SCAPER: variants seen among roughly 807,000 people sequenced by gnomAD.
SCAPER encodes S phase cyclin A-associated protein in the endoplasmic reticulum.
Under a neutral mutation model 182.2 loss-of-function variants are expected in SCAPER, and 98 were observed. The ratio of observed to expected loss-of-function variants is 0.54; its 90% CI spans 0.46 to 0.64. SCAPER has a LOEUF of 0.64. Among genes scored for constraint, SCAPER ranks in the 30% least tolerant of loss-of-function variants. SCAPER has a pLI of 0.00. For synonymous variants in SCAPER, 605 were observed against 564.6 expected (o/e 1.07, Z -1.01); for missense variants, 1,432 against 1,690.0 (o/e 0.85, Z 2.68).
At chr15:76,443,837 A>G (rs1380534148) in intron 25 of SCAPER, among the ~76,000 whole-genome samples, 1 of 152,238 alleles carries the variant, frequency 6.6e-6, no homozygotes, top group African/African-American at 2.4e-5. Flanking sequence ...GCAATAGGAC[A>G]TGGCTTTACC....
chr15:76,454,774 A>C (rs1306566307), intron 25 of SCAPER, among the ~76,000 whole-genome samples: 2 of 152,156 alleles, frequency 1.3e-5, no homozygotes, highest in African/African-American at 4.8e-5. Context: ...TCTTCCTGGC[A>C]TAATTTAACA....
At chr15:76,726,126 T>TATATATATATATAA (rs1490154067) in intron 17 of SCAPER, among the ~76,000 whole-genome samples, 1 of 109,090 alleles carries the variant, frequency 9.2e-6, no homozygotes, top group African/African-American at 3.7e-5. Context: ...ATGTCTAGAA[T>TATATATATATATAA]ATATATATAT....
chr15:76,495,974 A>G (rs1309419737), intron 24 of SCAPER, among the ~76,000 whole-genome samples: 2 of 144,948 alleles, frequency 1.4e-5, no homozygotes, highest in African/African-American at 2.6e-5. Context: ...GGAGAAAGAG[A>G]AAGAAAGCAA....
intron 26 of SCAPER, among the ~76,000 whole-genome samples, chr15:76,410,302 T>G (rs970395189): frequency 1.3e-5 from 2 of 152,224 alleles, no homozygotes; most frequent in Admixed American, 6.5e-5. Context: ...AATCATGCAT[T>G]CATCCACTCA....
At chr15:76,715,186 C>T (rs1011083) in intron 17 of SCAPER, among the ~76,000 whole-genome samples, 50,244 of 151,416 alleles carry the variant, frequency 0.33, 8,610 homozygotes, top group East Asian at 0.55. Flanking sequence ...CATACACCCC[C>T]GCCAATACTA....
intron 23 of SCAPER, among the ~76,000 whole-genome samples, chr15:76,530,437 T>C (rs2043557660): frequency 6.6e-6 from 1 of 152,186 alleles, no homozygotes; most frequent in African/African-American, 2.4e-5. Flanking sequence ...GTAAACCATG[T>C]TCTGAACCTT....
At chr15:76,621,276 A>C (rs2052023623) in intron 22 of SCAPER, among the ~76,000 whole-genome samples, 1 of 152,166 alleles carries the variant, frequency 6.6e-6, no homozygotes, top group African/African-American at 2.4e-5. Flanking sequence ...TTTACACCTC[A>C]ATGGTGAAGT....
At chr15:76,539,652 T>C (rs2044552283) in intron 23 of SCAPER, among the ~76,000 whole-genome samples, 1 of 151,606 alleles carries the variant, frequency 6.6e-6, no homozygotes. Context: ...TTCATGCCAT[T>C]CTCCTGCCTC....
intron 5 of SCAPER, among the ~76,000 whole-genome samples, chr15:76,825,379 C>T (rs2067919387): frequency 6.6e-6 from 1 of 152,108 alleles, no homozygotes; most frequent in Non-Finnish European, 1.5e-5. Context: ...TTCTATGATC[C>T]TACAGCCAGA....
chr15:76,577,266 T>C (rs1169631688), intron 22 of SCAPER, among the ~76,000 whole-genome samples: 10 of 151,964 alleles, frequency 6.6e-5, no homozygotes, highest in Non-Finnish European at 1.5e-4. Context: ...GGCAACATGG[T>C]GAAAGCCCGT....
At chr15:76,887,319 C>A (rs2073893767) in intron 1 of SCAPER, among the ~76,000 whole-genome samples, 2 of 152,164 alleles carry the variant, frequency 1.3e-5, no homozygotes. Context: ...GTGGGTACAA[C>A]CCACAGAGGG....
chr15:76,586,607 T>C (rs79978230), intron 22 of SCAPER: 2,689 of 153,290 alleles, frequency 0.018, 35 homozygotes, highest in Middle Eastern at 0.036. Flanking sequence ...TATATGTGTG[T>C]ATAAATGTGT....
At chr15:76,395,178 C>G (rs2043968327) in intron 27 of SCAPER, among the ~76,000 whole-genome samples, 1 of 152,210 alleles carries the variant, frequency 6.6e-6, no homozygotes, top group Non-Finnish European at 1.5e-5. Context: ...ATGAGAGGAT[C>G]TCATTCTTTT....
At chr15:76,814,256 C>T (rs533281123) in intron 5 of SCAPER, among the ~76,000 whole-genome samples, 87 of 151,966 alleles carry the variant, frequency 5.7e-4, no homozygotes, top group African/African-American at 2.1e-3. Context: ...ATAGAAAAAA[C>T]AATGCTAAAA....
chr15:76,532,504 C>A (rs969540850), intron 23 of SCAPER, among the ~76,000 whole-genome samples: 1 of 152,056 alleles, frequency 6.6e-6, no homozygotes, highest in African/African-American at 2.4e-5. Context: ...GCCAGGGCTA[C>A]TTTCCTCTTT....
intron 17 of SCAPER, among the ~76,000 whole-genome samples, chr15:76,719,230 T>A (rs2060060544): frequency 1.3e-5 from 2 of 152,188 alleles, no homozygotes; most frequent in African/African-American, 4.8e-5. Flanking sequence ...ACATTGTCAT[T>A]TGCCACAATA....
At chr15:76,690,414 G>A (rs1023084569) in intron 20 of SCAPER, among the ~76,000 whole-genome samples, 5 of 152,092 alleles carry the variant, frequency 3.3e-5, no homozygotes, top group African/African-American at 1.2e-4. Context: ...AGGGGACATA[G>A]TGACTAAATG....
intron 21 of SCAPER, among the ~76,000 whole-genome samples, chr15:76,655,766 T>A (rs2055582849): frequency 6.6e-6 from 1 of 152,138 alleles, no homozygotes; most frequent in South Asian, 2.1e-4. Flanking sequence ...TCAGCATTAT[T>A]AAAAGAAATT....
chr15:76,631,213 A>C (rs1193189657), intron 21 of SCAPER, among the ~76,000 whole-genome samples: 1 of 152,196 alleles, frequency 6.6e-6, no homozygotes, highest in Admixed American at 6.5e-5. Flanking sequence ...TTTTGAATGC[A>C]GCACACTGAT....
Sources: gnomAD v4.1 joint callset for allele counts (sites outside exome capture counted in the v4.1 genomes callset) on GRCh38, gnomAD v4.1.1 for gene constraint, MANE v1.5 for transcripts, NCBI Gene and HGNC (gene_info 2026-07-23, HGNC 2026-07-21) for gene names.